SCG5: variants seen among roughly 807,000 people sequenced by gnomAD.
SCG5 encodes the protein secretogranin V.
Under a neutral mutation model 25.7 loss-of-function variants are expected in SCG5, and 18 were observed. The observed-to-expected ratio is 0.70, with a 90% CI of 0.48 to 1.04. The LOEUF (loss-of-function observed/expected upper bound fraction) is 1.04, where lower values mean the gene tolerates loss of function less well. Among genes scored for constraint, SCG5 ranks in the 50% least tolerant of loss-of-function variants. The pLI is 0.00. For synonymous variants in SCG5, 101 were observed against 91.7 expected, an observed-to-expected ratio of 1.10 and a Z score of -0.58; for missense variants, 206 against 259.8, an observed-to-expected ratio of 0.79 and a Z score of 1.42.
chr15:32,651,318 G>C (rs2054028199), intron 2 of SCG5, among the ~76,000 whole-genome samples: 1 of 152,264 alleles, frequency 6.6e-6, no homozygotes, highest in African/African-American at 2.4e-5. Flanking sequence ...AGTGGAGAAA[G>C]AGTCCTGTGG....
chr15:32,677,798 C>CG lies in SCG5; in HGVS notation c.227-1968_227-1967insG, dbSNP rs1370143474. On this transcript the variant is annotated intron_variant, in intron 2 of 5. Transcript: ENST00000300175. ...TCTGCTGTGGTCCTGGAAAAGGAAGCTTCATGAGCCTTATAGAATGTTAAG... is the reference window on the plus strand; with the variant it reads ...TCTGCTGTGGTCCTGGAAAAGGAAGCGTTCATGAGCCTTATAGAATGTTAAG... 2.6e-5 allele frequency: 4 copies of CG among 152,252 alleles called. No homozygotes were observed. The East Asian group carries it at 7.7e-4, about 29-fold the overall frequency. 9.4% of individuals were successfully genotyped at this position (152,252 alleles called of 1,614,324 possible).
At chr15:32,691,240 T>C (rs1178022945) in intron 4 of SCG5, among the ~76,000 whole-genome samples, 2 of 152,220 alleles carry the variant, frequency 1.3e-5, no homozygotes, top group Non-Finnish European at 2.9e-5. Flanking sequence ...GGGCACTGAC[T>C]TAACGCCACA....
At chr15:32,676,567 G>A (rs949767376) in intron 2 of SCG5, among the ~76,000 whole-genome samples, 17 of 152,312 alleles carry the variant, frequency 1.1e-4, no homozygotes, top group African/African-American at 3.8e-4. Context: ...TCAATACCAA[G>A]TGTACTGATA....
chr15:32,674,670 C>T (rs766272126), intron 2 of SCG5, among the ~76,000 whole-genome samples: 3 of 152,066 alleles, frequency 2.0e-5, no homozygotes, highest in Middle Eastern at 3.2e-3. Context: ...TTGTTAACAC[C>T]GAACAAGACC....
intron 2 of SCG5, among the ~76,000 whole-genome samples, chr15:32,667,344 A>G (rs2054336452): frequency 1.3e-5 from 2 of 150,690 alleles, no homozygotes; most frequent in South Asian, 4.4e-4. Context: ...ATTTTTAAAG[A>G]TAAGTTTGGT....
At chr15:32,661,048 T>TGCAG (rs1474433113) in intron 2 of SCG5, among the ~76,000 whole-genome samples, 5 of 152,238 alleles carry the variant, frequency 3.3e-5, no homozygotes, top group Non-Finnish European at 7.3e-5. Context: ...AATATTTATT[T>TGCAG]TGTATCTACT....
chr15:32,666,143 A>G (rs1358529913), intron 2 of SCG5, among the ~76,000 whole-genome samples: 2 of 152,192 alleles, frequency 1.3e-5, no homozygotes, highest in Admixed American at 6.5e-5. Flanking sequence ...TTATCAACAC[A>G]AGGGAGTTGA....
Position 32,680,783 on chromosome 15 carries a change from T to C in SCG5, c.376+868T>C, listed in dbSNP as rs564932769. Among the ~76,000 whole-genome samples the C allele has an allele frequency of 3.9e-5, 6 of 152,286 alleles. No individual in the cohort carries two copies. The South Asian group carries it at 1.2e-3, about 32-fold the overall frequency. On this transcript the variant is annotated intron_variant, in intron 3 of 5. Coordinates refer to ENST00000300175, the MANE Select transcript of SCG5 (RefSeq NM_001144757.3). ...GGAAGAAGGTTGAAATTTTCCATGT[T>C]GTTCATGCATCCCACCCACTTTCCT...
chr15:32,688,928 C>T (rs933473478), intron 4 of SCG5, among the ~76,000 whole-genome samples: 5 of 137,476 alleles, frequency 3.6e-5, no homozygotes, highest in East Asian at 2.3e-4. Flanking sequence ...CACTGCAGTC[C>T]GGCCTGGGCA....
chr15:32,676,479 C>T (rs955451332), intron 2 of SCG5, among the ~76,000 whole-genome samples: 8 of 152,224 alleles, frequency 5.3e-5, no homozygotes, highest in Admixed American at 3.3e-4. Flanking sequence ...GAGACATGTA[C>T]TGACACACCA....
intron 2 of SCG5, among the ~76,000 whole-genome samples, chr15:32,673,527 CGTGTGTGTGTGT>C (rs55968956): frequency 3.0e-5 from 4 of 134,942 alleles, no homozygotes; most frequent in Admixed American, 1.5e-4. Flanking sequence ...ATAAGATCCC[CGTGTGTGTGTGT>C]GTGTGTGTGT....
intron 2 of SCG5, among the ~76,000 whole-genome samples, chr15:32,679,458 C>T (rs751875247): frequency 6.6e-6 from 1 of 152,040 alleles, no homozygotes; most frequent in Non-Finnish European, 1.5e-5. Context: ...ACCTCGGCTT[C>T]GCAAAGTGCT....
chr15:32,643,766 G>A lies in SCG5; in HGVS notation c.174G>A (p.Val58=), dbSNP rs1294251162. 1.9e-6 allele frequency: 3 copies of A among 1,613,904 alleles called. No individual in the cohort carries two copies. Among genetic ancestry groups the A allele is most frequent in the South Asian group, 2.2e-5 (2 of 91,080 alleles). The change falls in exon 2 of 6, where the codon GTG becomes GTA. Residue 58 remains valine (V), a synonymous_variant. Coordinates refer to ENST00000300175, the MANE Select transcript of SCG5 (RefSeq NM_001144757.3). ...MEQLGIARPR[V]EYPAHQAMNL... ...AATTGGGCATTGCCAGGCCCCGAGT[G>A]GAATATCCAGCTCACCAGGCCATGA...
chr15:32,690,923 C>CT (rs150244731), intron 4 of SCG5, among the ~76,000 whole-genome samples: 1 of 108,930 alleles, frequency 9.2e-6, no homozygotes, highest in African/African-American at 2.9e-5. Flanking sequence ...ACAAGTAAAG[C>CT]CCCCCCCCAC....
intron 3 of SCG5, among the ~76,000 whole-genome samples, chr15:32,682,934 G>A (rs965040727): frequency 2.0e-5 from 3 of 152,090 alleles, no homozygotes; most frequent in Admixed American, 6.6e-5. Flanking sequence ...AGACACCTTC[G>A]GTTCCCAGAG....
intron 2 of SCG5, among the ~76,000 whole-genome samples, chr15:32,675,657 A>G (rs1426826086): frequency 6.6e-6 from 1 of 152,216 alleles, no homozygotes; most frequent in Admixed American, 6.5e-5. Flanking sequence ...GCTACACAGT[A>G]TGTTGCTACA....
intron 5 of SCG5, among the ~76,000 whole-genome samples, chr15:32,695,988 A>G (rs1005804713): frequency 2.6e-5 from 4 of 152,372 alleles, no homozygotes; most frequent in Non-Finnish European, 5.9e-5. Context: ...AGAGACATCT[A>G]TCAGTCAGAA....
chr15:32,696,105 A>ATTCTT (rs1309034108), intron 5 of SCG5, among the ~76,000 whole-genome samples: 1 of 151,878 alleles, frequency 6.6e-6, no homozygotes, highest in Non-Finnish European at 1.5e-5. Context: ...GCCAGAAACA[A>ATTCTT]TTCTTTTCTT....
At chr15:32,671,096 G>A (rs1480736128) in intron 2 of SCG5, among the ~76,000 whole-genome samples, 1 of 152,162 alleles carries the variant, frequency 6.6e-6, no homozygotes, top group African/African-American at 2.4e-5. Context: ...GGAGGAATTG[G>A]GGTCCAGTGA....
Sources: gnomAD v4.1 joint callset for allele counts (sites outside exome capture counted in the v4.1 genomes callset) on GRCh38, gnomAD v4.1.1 for gene constraint, MANE v1.5 for transcripts, NCBI Gene and HGNC (gene_info 2026-07-23, HGNC 2026-07-21) for gene names.